Variants in ELK3 observed in about 807,000 individuals in gnomAD.
The protein encoded by ELK3 is ETS domain-containing protein Elk-3.
Under a neutral mutation model 28.9 loss-of-function variants are expected in ELK3, and 10 were observed. The observed-to-expected ratio is 0.35, with a 90% confidence interval of 0.21 to 0.59. ELK3 has a LOEUF of 0.59. ELK3 is among the 20% of genes least tolerant of loss of function. The pLI is 0.82. For missense variants in ELK3, 463 were observed against 517.3 expected (o/e 0.90, Z 1.02); for synonymous variants, 272 against 243.5 (o/e 1.12, Z -1.09).
In ELK3 at chr12:96,257,614, C is replaced by G. The variant is rs146425734; in HGVS notation, c.1003-2117C>G. On this transcript the variant is annotated intron_variant, in intron 3 of 4. Transcript: ENST00000228741. ...GATTGTCTCTTTAAAGCTTTGAGAG[C>G]CTTCATTGATGGATAAACTAGGAGG... 3.3e-3 allele frequency among the ~76,000 whole-genome samples: 507 copies of G among 152,272 alleles called. 1 individual carries two copies. The highest frequency in any genetic ancestry group is 0.012 in the African/African-American group (479 of 41,546).
At position 96,208,351 on chromosome 12, in the gene ELK3, C is replaced by T. The variant is rs186717753; in HGVS notation, c.-3+13646C>T. ...ACAGGCGTTAGCCACTGCACCCAGC[C>T]AGAGGGCAGGTTTTTTTAGTGACTT... is the stretch of plus-strand genomic sequence containing the variant. On this transcript the variant is annotated intron_variant, in intron 1 of 4. Coordinates refer to ENST00000228741, the MANE Select transcript of ELK3 (RefSeq NM_005230.4). Among the ~76,000 whole-genome samples the T allele has an allele frequency of 4.0e-3, 602 of 152,336 alleles. 8 individuals are homozygous for T. The highest frequency in any genetic ancestry group is 0.013 in the African/African-American group (555 of 41,578).
intron 2 of ELK3, among the ~76,000 whole-genome samples, chr12:96,241,461 C>G (rs1466671642): frequency 8.4e-6 from 1 of 118,496 alleles, no homozygotes; most frequent in African/African-American, 3.1e-5. Flanking sequence ...TGTGTGTGTA[C>G]ATATGTAAAC....
intron 2 of ELK3, among the ~76,000 whole-genome samples, chr12:96,240,047 C>T (rs189480475): frequency 4.6e-5 from 7 of 152,354 alleles, no homozygotes; most frequent in East Asian, 1.9e-4. Context: ...GTAAGGTTTT[C>T]GTCACAGTGG....
At chr12:96,262,017 CTTTTT>C (rs57348208) in intron 4 of ELK3, among the ~76,000 whole-genome samples, 3 of 115,634 alleles carry the variant, frequency 2.6e-5, no homozygotes, top group Non-Finnish European at 3.7e-5. Context: ...CTGATAAAAA[CTTTTT>C]TTTTTTTTTT....
intron 1 of ELK3, among the ~76,000 whole-genome samples, chr12:96,208,996 C>T (rs1951557989): frequency 6.6e-6 from 1 of 152,190 alleles, no homozygotes; most frequent in South Asian, 2.1e-4. Context: ...CCTTGGGGAT[C>T]CTTCTGAGAG....
chr12:96,249,088 TATC>T (rs1280335438), intron 3 of ELK3, among the ~76,000 whole-genome samples: 1 of 152,234 alleles, frequency 6.6e-6, no homozygotes, highest in Admixed American at 6.5e-5. Context: ...GTGCTATTAT[TATC>T]ATCCTGTTTC....
At chr12:96,222,477 C>T (rs900587777) in intron 1 of ELK3, among the ~76,000 whole-genome samples, 1 of 152,162 alleles carries the variant, frequency 6.6e-6, no homozygotes, top group South Asian at 2.1e-4. Context: ...CTTTGACCTG[C>T]AGCATGGTGA....
chr12:96,207,594 A>G (rs1422215439), intron 1 of ELK3, among the ~76,000 whole-genome samples: 1 of 152,242 alleles, frequency 6.6e-6, no homozygotes, highest in African/African-American at 2.4e-5. Context: ...CAGTGAAACT[A>G]ACCAGTTCCT....
chr12:96,239,732 C>T (rs1467851955), intron 2 of ELK3, among the ~76,000 whole-genome samples: 1 of 152,224 alleles, frequency 6.6e-6, no homozygotes, highest in African/African-American at 2.4e-5. Context: ...CAGCAGCTTC[C>T]CGTTGGCCTC....
chr12:96,235,583 C>T (rs1325270036), intron 2 of ELK3, among the ~76,000 whole-genome samples: 1 of 152,270 alleles, frequency 6.6e-6, no homozygotes, highest in Non-Finnish European at 1.5e-5. Context: ...CTACCTACCC[C>T]TCCTTTAGCA....
At chr12:96,225,564 T>C (rs889882245) in intron 2 of ELK3, among the ~76,000 whole-genome samples, 11 of 152,228 alleles carry the variant, frequency 7.2e-5, no homozygotes, top group African/African-American at 2.4e-4. Context: ...TCCTTTAAAC[T>C]TTACAACAAC....
chr12:96,257,245 A>G lies in ELK3; in HGVS notation c.1003-2486A>G, dbSNP rs770516891. Among the ~76,000 whole-genome samples the G allele has an allele frequency of 2.0e-4, 31 of 152,338 alleles. No individual in the cohort carries two copies. In the South Asian group the frequency reaches 2.3e-3, roughly 11 times the overall value. On this transcript the variant is annotated intron_variant, in intron 3 of 4. Transcript: ENST00000228741. ...CAGGTGTTATAGGAACTTTCCTTAA[A>G]AAAGCAACCACATGGTTCTTTAAGG...
intron 2 of ELK3, among the ~76,000 whole-genome samples, chr12:96,232,634 C>T (rs1184914074): frequency 2.4e-5 from 3 of 126,664 alleles, no homozygotes; most frequent in East Asian, 2.3e-4. Context: ...GGGGAGGGGG[C>T]GGGGAATGCT....
chr12:96,211,879 T>C lies in ELK3; in HGVS notation c.-2-11686T>C, dbSNP rs1349259005. On this transcript the variant is annotated intron_variant, in intron 1 of 4. Transcript: ENST00000228741. ...ATTATGAAACAGTCTTTAATTTTCA[T>C]TGTGGATTTATTAATAGCTTTATTA... Among the ~76,000 whole-genome samples the C allele has an allele frequency of 2.0e-5, 3 of 152,340 alleles. No homozygotes were observed. In the East Asian group the frequency reaches 5.8e-4, roughly 29 times the overall value.
At chr12:96,255,647 T>C (rs940577611) in intron 3 of ELK3, 2 of 152,236 alleles carry the variant, frequency 1.3e-5, no homozygotes, top group African/African-American at 2.4e-5. Context: ...GACCATGGCC[T>C]GTGACACAGT....
chr12:96,245,579 ACTC>A (rs1951849738), intron 2 of ELK3, among the ~76,000 whole-genome samples: 1 of 151,652 alleles, frequency 6.6e-6, no homozygotes, highest in South Asian at 2.1e-4. Context: ...TTTAATCCTC[ACTC>A]ATACCCTGGT....
At chr12:96,210,891 C>T (rs78294603) in intron 1 of ELK3, among the ~76,000 whole-genome samples, 4 of 152,190 alleles carry the variant, frequency 2.6e-5, no homozygotes, top group East Asian at 1.9e-4. Flanking sequence ...GTATTTCCCA[C>T]GCATTACAAT....
chr12:96,231,761 G>A (rs1292994880), intron 2 of ELK3, among the ~76,000 whole-genome samples: 1 of 152,180 alleles, frequency 6.6e-6, no homozygotes. Flanking sequence ...TGGGATTGCA[G>A]GCATGAGCCA....
intron 2 of ELK3, 167 bp downstream of exon 2, chr12:96,223,940 C>A: frequency 1.4e-6 from 1 of 707,962 alleles, no homozygotes; most frequent in Non-Finnish European, 2.3e-6. Flanking sequence ...GGATTTTCCC[C>A]ACCCTCTGGA....
Sources: gnomAD v4.1 joint callset for allele counts (sites outside exome capture counted in the v4.1 genomes callset) on GRCh38, gnomAD v4.1.1 for gene constraint, MANE v1.5 for transcripts, NCBI Gene and HGNC (gene_info 2026-07-23, HGNC 2026-07-21) for gene names.